The following POLR1B variants were observed in gnomAD, a reference collection of about 807,000 sequenced individuals.
The protein encoded by POLR1B is RNA polymerase I subunit B, also known as DNA-directed RNA polymerase I subunit RPA2.
POLR1B carries 30 observed loss-of-function variants against 105.8 expected under a neutral mutation model. That is an observed-to-expected ratio of 0.28 (90% CI 0.21 to 0.38). The LOEUF (loss-of-function observed/expected upper bound fraction) is 0.38, where lower values mean the gene tolerates loss of function less well. Among genes scored for constraint, POLR1B ranks in the 10% least tolerant of loss-of-function variants. The probability of loss-of-function intolerance (pLI) is 1.00; values close to 1 mark genes in which losing one functional copy is unlikely to be tolerated. For missense variants in POLR1B, 976 were observed against 1,435.8 expected (o/e 0.68, Z 5.17); for synonymous variants, 485 against 505.1 (o/e 0.96, Z 0.53).
At chr2:112,545,804 TA>T in intron 1 of POLR1B, 1 of 366,628 alleles carries the variant, frequency 2.7e-6, no homozygotes, top group Non-Finnish European at 5.3e-6. Flanking sequence ...TATGCCCGGC[TA>T]ATTTTTTTAT....
At chr2:112,546,643 G>T (rs1165195104) in intron 1 of POLR1B, among the ~76,000 whole-genome samples, 1 of 134,332 alleles carries the variant, frequency 7.4e-6, no homozygotes, top group Non-Finnish European at 1.5e-5. Flanking sequence ...CTCACTGCAG[G>T]CTCTGCCTCC....
chr2:112,573,482 C>T lies in POLR1B; in HGVS notation c.2272-80C>T, dbSNP rs184952792. ...AAATGTGATGCCAGTTATCCTAAAC[C>T]AAGTATGATAGTCCCACCTAGTTTT... On this transcript the variant is annotated intron_variant, in intron 13 of 14. Transcript: ENST00000263331. The T allele has an allele frequency of 6.0e-6, 9 of 1,487,680 alleles. No homozygotes were observed. The East Asian group carries it at 2.0e-4, about 34-fold the overall frequency. The allele number at this position is 1,487,680 out of a possible 1,614,324, so 92.2% of individuals were successfully genotyped here.
chr2:112,574,928 C>T lies in POLR1B; in HGVS notation c.2607C>T (p.Ile869=). ...GTGGAAAATTCAAGTGTGTTTGCAT[C>T]ACTATGAGAGTGCCTCGGAACCCAA... ...TGSGKFKCVC[I]TMRVPRNPTI... The change falls in exon 15 of 15, where the codon ATC becomes ATT. Residue 869 remains isoleucine, a synonymous_variant. Coordinates refer to ENST00000263331, the MANE Select transcript of POLR1B (RefSeq NM_019014.6). 6.2e-7 allele frequency: 1 copy of T among 1,614,042 alleles called. No homozygotes were observed. Among genetic ancestry groups the T allele is most frequent in the Admixed American group, 1.7e-5 (1 of 60,006 alleles).
intron 10 of POLR1B, among the ~76,000 whole-genome samples, chr2:112,566,242 T>C: frequency 6.6e-6 from 1 of 152,260 alleles, no homozygotes; most frequent in East Asian, 1.9e-4. Flanking sequence ...AACTGATCCC[T>C]TCAAAGTTGT....
intron 10 of POLR1B, among the ~76,000 whole-genome samples, chr2:112,565,091 G>A (rs1684205264): frequency 6.6e-6 from 1 of 152,182 alleles, no homozygotes; most frequent in Non-Finnish European, 1.5e-5. Context: ...TGCTGTTTCG[G>A]ACACTTGGGT....
In POLR1B at chr2:112,568,729, G is replaced by A. The variant is rs191203372; in HGVS notation, c.1918-17G>A. Reference sequence around the variant, plus strand: ...CCAGTTGCAGTTATTTTGTGCCTTGGACATCTGCTCTTCCAGATCTTCATG... The same window carrying A: ...CCAGTTGCAGTTATTTTGTGCCTTGAACATCTGCTCTTCCAGATCTTCATG... On this transcript the variant is annotated splice_polypyrimidine_tract_variant and intron_variant, in intron 11 of 14. Transcript: ENST00000263331. The A allele has an allele frequency of 1.1e-4, 183 of 1,612,692 alleles. 1 individual carries two copies. In the Admixed American group the frequency reaches 3.0e-3, roughly 26 times the overall value.
intron 13 of POLR1B, among the ~76,000 whole-genome samples, chr2:112,573,016 A>G (rs559296341): frequency 3.3e-5 from 5 of 152,360 alleles, no homozygotes; most frequent in East Asian, 3.9e-4. Flanking sequence ...TTTTGGATCT[A>G]TCTACCTTTT....
At chr2:112,557,648 C>T (rs1163683035) in intron 7 of POLR1B, among the ~76,000 whole-genome samples, 1 of 152,182 alleles carries the variant, frequency 6.6e-6, no homozygotes, top group African/African-American at 2.4e-5. Context: ...ACAGTCATGG[C>T]TCACTGAAGC....
At chr2:112,558,743 C>T (rs571559625) in intron 8 of POLR1B, among the ~76,000 whole-genome samples, 15 of 152,080 alleles carry the variant, frequency 9.9e-5, no homozygotes, top group African/African-American at 1.2e-4. Flanking sequence ...GTCAGCCCCA[C>T]GAGTAGCTGT....
intron 3 of POLR1B, among the ~76,000 whole-genome samples, chr2:112,547,981 G>T (rs1683146162): frequency 6.6e-6 from 1 of 152,106 alleles, no homozygotes; most frequent in Admixed American, 6.6e-5. Context: ...GAGCCCAGGA[G>T]GCCTCACTAC....
At chr2:112,550,696 G>A (rs1318874133) in intron 4 of POLR1B, 170 bp from the exon 5 acceptor site, 2 of 632,664 alleles carry the variant, frequency 3.2e-6, no homozygotes, top group Non-Finnish European at 5.4e-6. Flanking sequence ...GATTTTGCAT[G>A]CAAGAGGACA....
Position 112,559,460 on chromosome 2 carries a change from G to A in POLR1B, c.1498G>A (p.Val500Met), listed in dbSNP as rs780972418. 7 of 1,614,188 alleles carry A rather than the reference G, an allele frequency of 4.3e-6. No individual in the cohort carries two copies. The highest frequency in any genetic ancestry group is 2.2e-5 in the East Asian group (1 of 44,880). The stretch of plus-strand genomic sequence containing the variant: ...AGAGTCCTGGGGCTTCCTTTGTCCC[G>A]TGCATACCCCAGACGGGGAGCCCTG... ...LPESWGFLCP[V>M]HTPDGEPCGL... The change falls in exon 9 of 15, where the codon GTG (valine) becomes ATG (methionine). Residue 500 changes from valine (V) to methionine (M), a missense_variant. This residue lies in a region of POLR1B where 5 missense variants were observed against 27.8 expected (regional missense o/e 0.18). Transcript: ENST00000263331.
At position 112,579,728 on chromosome 2, in the gene POLR1B, C is replaced by T. The variant is rs1685013845; in HGVS notation, c.*3999C>T. On this transcript the variant is annotated 3_prime_UTR_variant, in exon 15 of 15. Coordinates refer to ENST00000263331, the MANE Select transcript of POLR1B (RefSeq NM_019014.6). ...CTGTGTATCTTCAGTGAAATGTCTG[C>T]TGTTCATTTTTTAATTGGATTGTTT... 6.6e-6 allele frequency: 1 copy of T among 152,128 alleles called. No individual in the cohort carries two copies. The highest frequency in any genetic ancestry group is 2.1e-4 in the South Asian group (1 of 4,832). 9.4% of individuals were successfully genotyped at this position (152,128 alleles called of 1,614,324 possible).
intron 4 of POLR1B, among the ~76,000 whole-genome samples, chr2:112,550,012 T>C (rs932511833): frequency 6.6e-6 from 1 of 152,254 alleles, no homozygotes; most frequent in Non-Finnish European, 1.5e-5. Context: ...TCACTTTTGC[T>C]AACTGAAAGA....
rs764500712 is a variant in POLR1B at position 112,550,944 on chromosome 2, T to C, written c.704T>C (p.Met235Thr). 13 of 1,613,598 alleles carry C rather than the reference T, an allele frequency of 8.1e-6. No homozygotes were observed. The highest frequency in any genetic ancestry group is 2.2e-5 in the East Asian group (1 of 44,884). ...CACTACTTGGAAAATGGCACTGTTA[T>C]GTTGAACTTTATTTACCGAAAAGAA... ...NLHYLENGTV[M>T]LNFIYRKELF... Residue 235 changes from methionine (M) to threonine (T), a missense_variant, in exon 5 of 15, where the codon ATG (methionine) becomes ACG (threonine). Physicochemically the swap from Met to Thr is moderately conservative, Grantham distance 81 (BLOSUM62 -1). Coordinates refer to ENST00000263331, the MANE Select transcript of POLR1B (RefSeq NM_019014.6).
At chr2:112,572,515 C>A in intron 12 of POLR1B, 47 bp from the exon 13 acceptor site, 1 of 1,401,924 alleles carries the variant, frequency 7.1e-7, no homozygotes, top group Non-Finnish European at 9.6e-7. Context: ...CACCTATAAT[C>A]AAGATGAAAG....
In POLR1B at chr2:112,577,929, G is replaced by A. The variant is rs537721241; in HGVS notation, c.*2200G>A. Among the ~76,000 whole-genome samples the A allele has an allele frequency of 6.6e-6, 1 of 151,734 alleles. No homozygotes were observed. On this transcript the variant is annotated 3_prime_UTR_variant, in exon 15 of 15. Coordinates refer to ENST00000263331, the MANE Select transcript of POLR1B (RefSeq NM_019014.6). ...CAGGAAGCTGGTTGAGAAGAAGAAGGAAAAAGTCGATTCTACTGACTGACG... is the reference window on the plus strand; with the variant it reads ...CAGGAAGCTGGTTGAGAAGAAGAAGAAAAAAGTCGATTCTACTGACTGACG...
intron 7 of POLR1B, among the ~76,000 whole-genome samples, chr2:112,555,354 A>G (rs972431579): frequency 7.3e-5 from 11 of 151,566 alleles, no homozygotes; most frequent in African/African-American, 2.7e-4. Context: ...GAAAAAAGAA[A>G]AAAACACCTG....
intron 10 of POLR1B, among the ~76,000 whole-genome samples, chr2:112,566,790 T>C (rs1440462232): frequency 6.6e-6 from 1 of 151,392 alleles, no homozygotes; most frequent in Non-Finnish European, 1.5e-5. Flanking sequence ...TGCAGTGCAG[T>C]GGTGTGATCT....
Sources: allele counts gnomAD v4.1 joint callset (sites outside exome capture counted in the v4.1 genomes callset), GRCh38; gene constraint gnomAD v4.1.1; regional missense constraint gnomAD v4.1.1; transcripts MANE v1.5; gene names NCBI Gene and HGNC (gene_info 2026-07-23, HGNC 2026-07-21).